The following AP1B1 variants were observed in gnomAD, a reference collection of about 807,000 sequenced individuals.
The protein encoded by AP1B1 is AP-1 complex subunit beta-1.
Under a neutral mutation model 104.3 loss-of-function variants are expected in AP1B1, and 36 were observed. The observed-to-expected ratio is 0.35, with a 90% confidence interval of 0.26 to 0.46. The LOEUF (loss-of-function observed/expected upper bound fraction) is 0.46, where lower values mean the gene tolerates loss of function less well. Ranked by LOEUF, AP1B1 falls within the 20% of genes least tolerant of loss-of-function variation. AP1B1 has a pLI of 1.00. For missense variants in AP1B1, 901 were observed against 1,247.9 expected, an observed-to-expected ratio of 0.72 and a Z score of 4.19; for synonymous variants, 504 against 517.5, an observed-to-expected ratio of 0.97 and a Z score of 0.35.
intron 1 of AP1B1, among the ~76,000 whole-genome samples, chr22:29,384,054 G>C (rs988780653): frequency 6.6e-6 from 1 of 152,200 alleles, no homozygotes; most frequent in African/African-American, 2.4e-5. Context: ...ATTGCAGGTA[G>C]GACAGGGGCT....
rs780594720 is a variant in AP1B1, at chr22:29,340,835, C to T, written c.1819G>A (p.Glu607Lys). 3.1e-6 allele frequency: 5 copies of T among 1,597,506 alleles called. No individual in the cohort carries two copies. The highest frequency in any genetic ancestry group is 4.3e-6 in the Non-Finnish European group (5 of 1,173,844). ...GGAGGTGCTCCAGTAGGGGCTGTCT[C>T]AGGGCTCTCTGCGCTCTCACTCCTG... ...TASSESAESP[E>K]TAPTGAPPGE... is the part of the protein sequence containing the mutation. Residue 607 changes from glutamate to lysine, a missense_variant, in exon 14 of 23, where the codon GAG (glutamate) becomes AAG (lysine). Physicochemically the swap from Glu to Lys is moderately conservative, Grantham distance 56. Coordinates refer to ENST00000357586, the MANE Select transcript of AP1B1 (RefSeq NM_001127.4).
intron 15 of AP1B1, among the ~76,000 whole-genome samples, chr22:29,339,534 T>C (rs149506791): frequency 4.7e-4 from 72 of 151,702 alleles, no homozygotes; most frequent in African/African-American, 1.7e-3. Flanking sequence ...CGACGTGTCA[T>C]GGGGTGGTGA....
chr22:29,338,732 C>T (rs1164890800), intron 16 of AP1B1, among the ~76,000 whole-genome samples: 1 of 152,174 alleles, frequency 6.6e-6, no homozygotes, highest in Non-Finnish European at 1.5e-5. Context: ...CCAGGCCTTA[C>T]CACAGACTGT....
In AP1B1 at chr22:29,356,600, A is replaced by G; in HGVS notation, c.542T>C (p.Val181Ala). 1.2e-6 allele frequency: 2 copies of G among 1,614,056 alleles called. No homozygotes were observed. Among genetic ancestry groups the G allele is most frequent in the Non-Finnish European group, 1.7e-6 (2 of 1,179,980 alleles). Residue 181 changes from valine to alanine, a missense_variant, in exon 6 of 23, where the codon GTG (valine) becomes GCG (alanine). Physicochemically the swap from Val to Ala is moderately conservative, Grantham distance 64. Transcript: ENST00000357586. ...CTCGGCAATTTCTGAGAGCGCTGCC[A>G]CTGCATTGGCCACCACCTGGTTGAG... ...DSNPMVVANA[V>A]AALSEIAESH...
At chr22:29,360,034 TG>T in intron 3 of AP1B1, 75 bp from the exon 4 acceptor site, 2 of 1,521,988 alleles carry the variant, frequency 1.3e-6, no homozygotes, top group Non-Finnish European at 1.8e-6. Context: ...TGCTAACTAG[TG>T]GGTGAGAGGA....
intron 1 of AP1B1, among the ~76,000 whole-genome samples, chr22:29,373,455 T>C (rs2062275500): frequency 6.6e-6 from 1 of 151,936 alleles, no homozygotes; most frequent in Non-Finnish European, 1.5e-5. Flanking sequence ...TAAGCTACGG[T>C]GATAACAGTC....
chr22:29,378,829 A>T (rs1239854061), intron 1 of AP1B1, among the ~76,000 whole-genome samples: 3 of 145,918 alleles, frequency 2.1e-5, no homozygotes, highest in Non-Finnish European at 4.5e-5. Context: ...ACTGCACTCC[A>T]GCCTGGGCAA....
At chr22:29,387,434 A>C (rs113813971) in intron 1 of AP1B1, among the ~76,000 whole-genome samples, 4 of 151,912 alleles carry the variant, frequency 2.6e-5, no homozygotes, top group African/African-American at 9.7e-5. Context: ...CAGCCTCCCA[A>C]GTAGCTGGGA....
intron 11 of AP1B1, among the ~76,000 whole-genome samples, chr22:29,348,805 T>C (rs2061829845): frequency 6.6e-6 from 1 of 152,194 alleles, no homozygotes; most frequent in South Asian, 2.1e-4. Context: ...TCTACTGGTG[T>C]ATTCCTAAAT....
Position 29,339,161 on chromosome 22 carries a change from T to G in AP1B1, c.2020-28A>C, listed in dbSNP as rs978691102. On this transcript the variant is annotated intron_variant, in intron 15 of 22. Transcript: ENST00000357586. ...GGAAAGGGAGGGAAAGAGTCAGAGG[T>G]GGGCGTCAAGAGGCAAAGACATCAG... 7 of 1,613,312 alleles carry G rather than the reference T, an allele frequency of 4.3e-6. No individual in the cohort carries two copies. The African/African-American group carries it at 9.4e-5, about 22-fold the overall frequency.
At position 29,358,839 on chromosome 22, in the gene AP1B1, G is replaced by C; in HGVS notation, c.412C>G (p.Arg138Gly). The C allele has an allele frequency of 6.2e-7, 1 of 1,614,236 alleles. No homozygotes were observed. The change falls in exon 5 of 23, where the codon CGC (arginine) becomes GGC (glycine). Residue 138 changes from arginine (R) to glycine (G), a missense_variant. Transcript: ENST00000357586. ...GCCACGCACACAGCTGCTGTCTTGC[G>C]CACATATGGATCCTCGTCCTTCAGG... ...KCLKDEDPYV[R>G]KTAAVCVAKL...
At chr22:29,382,938 A>G (rs2062460072) in intron 1 of AP1B1, among the ~76,000 whole-genome samples, 1 of 152,194 alleles carries the variant, frequency 6.6e-6, no homozygotes, top group East Asian at 1.9e-4. Flanking sequence ...CATCTGACCT[A>G]TATTTTAATA....
chr22:29,340,433 T>C (rs943161722), intron 14 of AP1B1, among the ~76,000 whole-genome samples: 6 of 152,126 alleles, frequency 3.9e-5, no homozygotes, highest in Admixed American at 2.6e-4. Flanking sequence ...CCTGTCTGCC[T>C]CTCAGGGGCT....
Position 29,334,248 on chromosome 22 carries a change from C to A in AP1B1, c.2309+17G>T. The stretch of plus-strand genomic sequence containing the variant: ...GGCCTCCTCTTGAGAGGTGCGCTGG[C>A]CTCAGGGAGCTCTCACCTGTTGCGG... On this transcript the variant is annotated intron_variant, in intron 17 of 22. Transcript: ENST00000357586. 2.5e-6 allele frequency: 4 copies of A among 1,579,434 alleles called. No individual in the cohort carries two copies. Among genetic ancestry groups the A allele is most frequent in the Non-Finnish European group, 3.4e-6 (4 of 1,164,376 alleles).
intron 1 of AP1B1, among the ~76,000 whole-genome samples, chr22:29,373,056 C>T (rs1305363647): frequency 6.6e-6 from 1 of 152,152 alleles, no homozygotes; most frequent in Non-Finnish European, 1.5e-5. Context: ...GAGGCCAAGG[C>T]GGACAAATTG....
intron 1 of AP1B1, among the ~76,000 whole-genome samples, chr22:29,383,836 C>T (rs969547274): frequency 1.3e-5 from 2 of 152,082 alleles, no homozygotes; most frequent in African/African-American, 4.8e-5. Flanking sequence ...GAATTCTGGG[C>T]CTTGTGGGGT....
At chr22:29,333,847 T>C (rs1276026765) in intron 17 of AP1B1, among the ~76,000 whole-genome samples, 1 of 151,988 alleles carries the variant, frequency 6.6e-6, no homozygotes, top group Admixed American at 6.6e-5. Context: ...GCGGATTGCC[T>C]GAGCTCAGGA....
intron 1 of AP1B1, among the ~76,000 whole-genome samples, chr22:29,380,974 G>C (rs1778686799): frequency 6.6e-6 from 1 of 152,170 alleles, no homozygotes. Context: ...CATGCACCCT[G>C]CTGGCCATTA....
chr22:29,340,627 ACAT>A, intron 14 of AP1B1, 26 bp downstream of exon 14: 1 of 1,506,864 alleles, frequency 6.6e-7, no homozygotes, highest in South Asian at 1.3e-5. Flanking sequence ...ATCATTATCA[ACAT>A]CATCCAGAGG....
Sources: gnomAD v4.1 joint callset for allele counts (sites outside exome capture counted in the v4.1 genomes callset) on GRCh38, gnomAD v4.1.1 for gene constraint, MANE v1.5 for transcripts, NCBI Gene and HGNC (gene_info 2026-07-23, HGNC 2026-07-21) for gene names.